The following MNT variants were observed in gnomAD, a reference collection of about 807,000 sequenced individuals.
The protein encoded by MNT is MAX network transcriptional repressor.
MNT carries 13 observed loss-of-function variants against 40.7 expected under a neutral mutation model. The ratio of observed to expected loss-of-function variants is 0.32; its 90% CI spans 0.21 to 0.51. The LOEUF is 0.51. Among genes scored for constraint, MNT ranks in the 20% least tolerant of loss-of-function variants. MNT has a pLI of 0.98. For missense variants in MNT, 757 were observed against 792.0 expected, an observed-to-expected ratio of 0.96 and a Z score of 0.53; for synonymous variants, 426 against 354.8, an observed-to-expected ratio of 1.20 and a Z score of -2.26.
rs2066440962 is a variant in MNT, at chr17:2,384,606, G to GTGTGTGTT, written c.*2294_*2295insAACACACA. 6.5e-6 allele frequency: 1 copy of GTGTGTGTT among 152,712 alleles called. No homozygotes were observed. The highest frequency in any genetic ancestry group is 2.4e-5 in the African/African-American group (1 of 41,208). The allele number at this position is 152,712 out of a possible 1,614,324, so 9.5% of individuals were successfully genotyped here. On this transcript the variant is annotated 3_prime_UTR_variant, in exon 6 of 6. Transcript: ENST00000174618. Reference sequence around the variant, plus strand: ...TGTGTGCGTGTGCGTGCGTGTGTGTGTGTGTGTGTGTGTGTGTGTGTCCCA... The same window carrying GTGTGTGTT: ...TGTGTGCGTGTGCGTGCGTGTGTGTGTGTGTGTTTGTGTGTGTGTGTGTGTGTGTCCCA...
At chr17:2,389,778 G>T (rs971430639) in intron 4 of MNT, 2 of 152,336 alleles carry the variant, frequency 1.3e-5, no homozygotes, top group Non-Finnish European at 2.9e-5. Context: ...AGGAGAAGGG[G>T]GTGGTGTCTC....
chr17:2,398,449 G>T (rs2066591700), intron 1 of MNT, among the ~76,000 whole-genome samples: 1 of 152,354 alleles, frequency 6.6e-6, no homozygotes, highest in South Asian at 2.1e-4. Flanking sequence ...AAAGCGTTCT[G>T]GTCAGCAGGT....
In MNT at chr17:2,387,107, C is replaced by T. The variant is rs780348652; in HGVS notation, c.1543G>A (p.Val515Met). 31 of 1,582,372 alleles carry T rather than the reference C, an allele frequency of 2.0e-5. No individual in the cohort carries two copies. The highest frequency in any genetic ancestry group is 2.6e-5 in the Non-Finnish European group (30 of 1,164,966). ...GTGTGGGCGATGTGGCTCACTGCCA[C>T]GGGCTGCGGGTACAAGGGCAGCTGG... ...GSQLPLYPQPVAVSHIAHTLS... is the reference protein window; with the variant it reads ...GSQLPLYPQPMAVSHIAHTLS... The change falls in exon 6 of 6, where the codon GTG (valine) becomes ATG (methionine). Residue 515 changes from valine to methionine, a missense_variant. Around this residue, in one of 4 missense-constraint regions of MNT, gnomAD observed 345 missense variants for 380.1 expected, o/e 0.91. Transcript: ENST00000174618.
At position 2,394,076 on chromosome 17, in the gene MNT, C is replaced by A; in HGVS notation, c.774G>T (p.Leu258=). ...ACCGCAGCGCCGTCCGCAGCACGCTCAGATTGGACGTCTTCTTGTCATCCA... is the reference window on the plus strand; with the variant it reads ...ACCGCAGCGCCGTCCGCAGCACGCTAAGATTGGACGTCTTCTTGTCATCCA... The part of the protein sequence containing the change: ...PNVDDKKTSN[L]SVLRTALRYI... Residue 258 remains leucine (L), a synonymous_variant, in exon 4 of 6, where the codon CTG becomes CTT. Transcript: ENST00000174618. 1 of 1,607,342 alleles carries A rather than the reference C, an allele frequency of 6.2e-7. No individual in the cohort carries two copies. The highest frequency in any genetic ancestry group is 8.5e-7 in the Non-Finnish European group (1 of 1,177,158).
Position 2,394,328 on chromosome 17 carries a change from G to A in MNT, c.672C>T (p.Val224=), listed in dbSNP as rs759606822. Residue 224 remains valine, a synonymous_variant, in exon 3 of 6, where the codon GTC becomes GTT. Coordinates refer to ENST00000174618, the MANE Select transcript of MNT (RefSeq NM_020310.3). The part of the protein sequence containing the change: ...KRPGGIGTRE[V]HNKLEKNRRA... ...ACCTGTTCTTCTCCAATTTGTTGTG[G>A]ACTTCTCTGGTTCCGATCCTGAAAC... is the stretch of plus-strand genomic sequence containing the variant. The A allele has an allele frequency of 1.2e-6, 2 of 1,609,592 alleles. No homozygotes were observed. Among genetic ancestry groups the A allele is most frequent in the African/African-American group, 2.8e-5 (2 of 72,146 alleles).
intron 1 of MNT, among the ~76,000 whole-genome samples, chr17:2,396,030 C>T (rs534882162): frequency 2.0e-5 from 3 of 152,226 alleles, no homozygotes; most frequent in Non-Finnish European, 2.9e-5. Context: ...CAAAGTGATT[C>T]GCTGCAGGTC....
chr17:2,400,416 C>G, intron 1 of MNT: 1 of 448,560 alleles, frequency 2.2e-6, no homozygotes. Flanking sequence ...CGGGGTGGCG[C>G]CCGCAGGAGC....
In MNT at chr17:2,387,173, C is replaced by T. The variant is rs372107997; in HGVS notation, c.1477G>A (p.Val493Met). Residue 493 changes from valine (V) to methionine (M), a missense_variant, in exon 6 of 6, where the codon GTG becomes ATG. Around this residue, in one of 4 missense-constraint regions of MNT, gnomAD observed 345 missense variants for 380.1 expected, o/e 0.91. Transcript: ENST00000174618. ...PATPPIGHIT[V>M]HPATLNHVAH... is the part of the protein sequence containing the mutation. ...ACATGGTTGAGGGTGGCAGGGTGCA[C>T]AGTGATGTGCCCAATGGGGGGTGTG... The T allele has an allele frequency of 6.2e-7, 1 of 1,605,780 alleles. No individual in the cohort carries two copies. Among genetic ancestry groups the T allele is most frequent in the Non-Finnish European group, 8.5e-7 (1 of 1,176,994 alleles).
chr17:2,387,811 T>A (rs2151664754), intron 5 of MNT, 46 bp downstream of exon 5: 1 of 1,550,106 alleles, frequency 6.5e-7, no homozygotes, highest in East Asian at 2.3e-5. Context: ...GAATTTGAGG[T>A]GTAACATCTG....
At chr17:2,393,793 G>A in intron 4 of MNT, 1 of 199,620 alleles carries the variant, frequency 5.0e-6, no homozygotes, top group Admixed American at 6.0e-5. Flanking sequence ...ACGGCCCCGG[G>A]GACGCCGAGG....
rs772164946 is a variant in MNT at position 2,394,858 on chromosome 17, C to T, written c.653+17G>A. The T allele has an allele frequency of 2.6e-5, 40 of 1,549,590 alleles. No individual in the cohort carries two copies. Among genetic ancestry groups the T allele is most frequent in the Middle Eastern group, 2.3e-4 (1 of 4,392 alleles). On this transcript the variant is annotated intron_variant, in intron 2 of 5. Transcript: ENST00000174618. Reference sequence around the variant, plus strand: ...CTCCTATCCCCCACCAGCCCGACCCCGCCACACCCCACTCACCCCCCGGGC... The same window carrying T: ...CTCCTATCCCCCACCAGCCCGACCCTGCCACACCCCACTCACCCCCCGGGC...
chr17:2,398,054 G>A (rs2066589057), intron 1 of MNT, among the ~76,000 whole-genome samples: 1 of 152,242 alleles, frequency 6.6e-6, no homozygotes, highest in African/African-American at 2.4e-5. Context: ...CAGGGCTAGG[G>A]GTGGAGGAGT....
chr17:2,392,461 G>A (rs188334422), intron 4 of MNT, among the ~76,000 whole-genome samples: 2 of 152,344 alleles, frequency 1.3e-5, no homozygotes, highest in Admixed American at 1.3e-4. Flanking sequence ...TCTGCAAGTA[G>A]TATCTGCAAA....
At chr17:2,392,361 C>G (rs909534108) in intron 4 of MNT, among the ~76,000 whole-genome samples, 5 of 152,190 alleles carry the variant, frequency 3.3e-5, no homozygotes, top group Non-Finnish European at 5.9e-5. Flanking sequence ...CCTACTTCAC[C>G]GGGCCCAGCT....
Position 2,386,794 on chromosome 17 carries a change from G to C in MNT, c.*107C>G, listed in dbSNP as rs1184832633. 2 of 1,234,040 alleles carry C rather than the reference G, an allele frequency of 1.6e-6. No individual in the cohort carries two copies. The highest frequency in any genetic ancestry group is 1.8e-5 in the South Asian group (1 of 56,696). The allele number at this position is 1,234,040 out of a possible 1,614,324, so 76.4% of individuals were successfully genotyped here. On this transcript the variant is annotated 3_prime_UTR_variant, in exon 6 of 6. Transcript: ENST00000174618. ...CCCCTAGGAGGCCTGGGGGTGGGTG[G>C]GGGGGCTGGCCTGGGCCTGGCTGGA...
chr17:2,399,769 T>C (rs2066602192), intron 1 of MNT, among the ~76,000 whole-genome samples: 1 of 152,102 alleles, frequency 6.6e-6, no homozygotes, highest in South Asian at 2.1e-4. Flanking sequence ...CACCACCCGG[T>C]GTAACCAACG....
intron 1 of MNT, among the ~76,000 whole-genome samples, chr17:2,397,886 A>G (rs2066588203): frequency 6.6e-6 from 1 of 152,186 alleles, no homozygotes; most frequent in Non-Finnish European, 1.5e-5. Flanking sequence ...GCCCCCTCAC[A>G]TGCTTCCCTG....
rs1030626132 is a variant in MNT at position 2,395,230 on chromosome 17, G to A, written c.298C>T (p.Pro100Ser). The A allele has an allele frequency of 1.3e-6, 2 of 1,497,852 alleles. No homozygotes were observed. The highest frequency in any genetic ancestry group is 2.8e-5 in the African/African-American group (2 of 72,310). 92.8% of individuals were successfully genotyped at this position (1,497,852 alleles called of 1,614,324 possible). Residue 100 changes from proline to serine, a missense_variant, in exon 2 of 6, where the codon CCT becomes TCT. Coordinates refer to ENST00000174618, the MANE Select transcript of MNT (RefSeq NM_020310.3). ...GGCAAGGGTGGGGGTGGGGGTAGAG[G>A]CTGAGGGGAGTTGGTCACCACAGGG... ...PIPVVTNSPQPLPPPPPLPAA... is the reference protein window; with the variant it reads ...PIPVVTNSPQSLPPPPPLPAA...
intron 4 of MNT, 82 bp from the exon 5 acceptor site, chr17:2,388,131 G>C (rs2066483574): frequency 7.3e-7 from 1 of 1,366,696 alleles, no homozygotes; most frequent in African/African-American, 1.5e-5. Context: ...CTCCCTATCA[G>C]CTGGCCCACA....
Sources: gnomAD v4.1 joint callset for allele counts (sites outside exome capture counted in the v4.1 genomes callset) on GRCh38, gnomAD v4.1.1 for gene constraint, gnomAD v4.1.1 regional missense constraint, MANE v1.5 for transcripts, NCBI Gene and HGNC (gene_info 2026-07-23, HGNC 2026-07-21) for gene names.